SYNPO2: variants seen among roughly 807,000 people sequenced by gnomAD.
The protein encoded by SYNPO2 is synaptopodin-2.
In SYNPO2, 56 loss-of-function variants were observed where a neutral mutation model predicts 85.0. The ratio of observed to expected loss-of-function variants is 0.66; its 90% CI spans 0.53 to 0.82. The LOEUF (loss-of-function observed/expected upper bound fraction) is 0.82, where lower values mean the gene tolerates loss of function less well. SYNPO2 is among the 40% of genes least tolerant of loss of function. The pLI is 0.00. For synonymous variants in SYNPO2, 602 were observed against 591.1 expected (o/e 1.02, Z -0.27); for missense variants, 1,575 against 1,534.2 (o/e 1.03, Z -0.44).
intron 1 of SYNPO2, among the ~76,000 whole-genome samples, chr4:118,895,039 T>A (rs1187317850): frequency 6.6e-6 from 1 of 152,236 alleles, no homozygotes; most frequent in Non-Finnish European, 1.5e-5. Flanking sequence ...AAATGATTTT[T>A]TTTAAGGAGT....
Position 119,026,786 on chromosome 4 carries a change from A to G in SYNPO2, c.417A>G (p.Glu139=), listed in dbSNP as rs1352095595. 1.2e-6 allele frequency: 2 copies of G among 1,609,472 alleles called. No homozygotes were observed. Among genetic ancestry groups the G allele is most frequent in the Admixed American group, 1.7e-5 (1 of 59,050 alleles). ...TCTTCCTCGCCCCTGTCAAGACTGA[A>G]GTTCCCCTAGCTGAGAACCAAAGAA... The part of the protein sequence containing the change: ...TEFFLAPVKT[E]VPLAENQRSG... The change falls in exon 3 of 5, where the codon GAA becomes GAG. Residue 139 remains glutamate, a synonymous_variant. Transcript: ENST00000307142.
chr4:119,037,059 CTGTT>C, intron 4 of SYNPO2: 2 of 1,497,662 alleles, frequency 1.3e-6, no homozygotes, highest in Non-Finnish European at 1.8e-6. Flanking sequence ...GTGTTTACCT[CTGTT>C]TATGTCATTC....
chr4:118,902,353 A>C (rs1732787196), intron 1 of SYNPO2, among the ~76,000 whole-genome samples: 1 of 152,226 alleles, frequency 6.6e-6, no homozygotes, highest in African/African-American at 2.4e-5. Context: ...AAAGAAAAAG[A>C]GGTTTAATGA....
rs182771192 is a variant in SYNPO2 at position 118,919,238 on chromosome 4, A to G, written c.105+30097A>G. ...GAAGCGCTAGTCGATCATTGCACTC[A>G]TTCTTCTGAGCCTGGATTGAGCCTC... On this transcript the variant is annotated intron_variant, in intron 1 of 4. Coordinates refer to ENST00000307142, the MANE Select transcript of SYNPO2 (RefSeq NM_133477.3). 5.1e-3 allele frequency among the ~76,000 whole-genome samples: 656 copies of G among 127,468 alleles called. 4 individuals carry two copies. The highest frequency in any genetic ancestry group is 0.018 in the African/African-American group (620 of 35,386). 83.6% of individuals were successfully genotyped at this position (127,468 alleles called of 152,430 possible). A position where few individuals can be genotyped will look rare whatever the true frequency, so the allele number is the denominator to read the frequency against.
At chr4:119,006,689 G>C (rs1010229388) in intron 1 of SYNPO2, among the ~76,000 whole-genome samples, 1 of 152,118 alleles carries the variant, frequency 6.6e-6, no homozygotes, top group African/African-American at 2.4e-5. Context: ...GAAGCAGGCA[G>C]GTTGTTTATT....
At chr4:118,888,069 A>C (rs528135860), upstream of SYNPO2, among the ~76,000 whole-genome samples, 1 of 152,316 alleles carries the variant, frequency 6.6e-6, no homozygotes. Context: ...ATGACATGGG[A>C]TGACAAACTA....
intron 1 of SYNPO2, among the ~76,000 whole-genome samples, chr4:118,852,252 C>T (rs115472708): frequency 0.041 from 6,275 of 152,190 alleles, 200 homozygotes; most frequent in Non-Finnish European, 0.064. Context: ...GAAAAAGGAA[C>T]GTTTATACAT....
chr4:118,938,914 A>G (rs1444051892), intron 1 of SYNPO2, among the ~76,000 whole-genome samples: 2 of 152,200 alleles, frequency 1.3e-5, no homozygotes, highest in African/African-American at 2.4e-5. Flanking sequence ...GGAGATAATG[A>G]TAACCTTTCC....
At chr4:118,976,296 C>T (rs1459500219) in intron 1 of SYNPO2, among the ~76,000 whole-genome samples, 2 of 151,980 alleles carry the variant, frequency 1.3e-5, no homozygotes, top group Non-Finnish European at 2.9e-5. Flanking sequence ...TAAGGCAGCG[C>T]GTCTGGAGTT....
intron 1 of SYNPO2, among the ~76,000 whole-genome samples, chr4:118,928,916 A>T (rs1733826458): frequency 6.6e-6 from 1 of 152,202 alleles, no homozygotes; most frequent in African/African-American, 2.4e-5. Context: ...TTTGTCCCAT[A>T]CTTGCTTGAT....
chr4:118,990,670 G>A (rs552454548), intron 1 of SYNPO2, among the ~76,000 whole-genome samples: 13 of 152,264 alleles, frequency 8.5e-5, no homozygotes, highest in African/African-American at 2.4e-4. Context: ...GTGCAGTGGC[G>A]CAATCTCAGC....
upstream of SYNPO2, among the ~76,000 whole-genome samples, chr4:118,884,107 T>A (rs1318630731): frequency 2.0e-5 from 3 of 152,212 alleles, no homozygotes; most frequent in African/African-American, 4.8e-5. Flanking sequence ...ATTCATTGCT[T>A]TTATAATAAT....
intron 1 of SYNPO2, among the ~76,000 whole-genome samples, chr4:118,924,185 C>A (rs1170487199): frequency 5.3e-5 from 8 of 152,140 alleles, no homozygotes; most frequent in African/African-American, 1.9e-4. Context: ...AAGTTACAGA[C>A]ATATCAAAAA....
At chr4:118,886,191 G>A (rs150341714), upstream of SYNPO2, among the ~76,000 whole-genome samples, 59 of 152,204 alleles carry the variant, frequency 3.9e-4, 1 homozygote, top group East Asian at 6.9e-3. Context: ...ACATGAAAAA[G>A]TAAAAAGAAC....
intron 1 of SYNPO2, among the ~76,000 whole-genome samples, chr4:118,926,889 T>C (rs1352237358): frequency 6.6e-6 from 1 of 152,126 alleles, no homozygotes; most frequent in East Asian, 1.9e-4. Context: ...TTCCAGACCT[T>C]TCATCCACAG....
chr4:119,023,853 C>T (rs866269549), intron 2 of SYNPO2, among the ~76,000 whole-genome samples: 1 of 152,106 alleles, frequency 6.6e-6, no homozygotes, highest in Non-Finnish European at 1.5e-5. Context: ...TTAGAAAGCT[C>T]AGTATATTGA....
intron 1 of SYNPO2, among the ~76,000 whole-genome samples, chr4:118,872,244 T>C (rs556815931): frequency 6.6e-6 from 1 of 152,210 alleles, no homozygotes; most frequent in East Asian, 1.9e-4. Flanking sequence ...GTACCTGTTA[T>C]AGAAACGGGA....
chr4:118,932,682 A>G (rs1733971717), intron 1 of SYNPO2, among the ~76,000 whole-genome samples: 1 of 152,232 alleles, frequency 6.6e-6, no homozygotes, highest in African/African-American at 2.4e-5. Flanking sequence ...GAAACATAAG[A>G]ACACCTGTGT....
chr4:118,893,840 TAA>T lies in SYNPO2; in HGVS notation c.105+4708_105+4709del, dbSNP rs34724275. Reference sequence around the variant, plus strand: ...AACGTATTGTATATTTCAAAATAGCTAAAAAAAAAAGGAGTTTAAATGTTCTC... The same window carrying T: ...AACGTATTGTATATTTCAAAATAGCTAAAAAAAAGGAGTTTAAATGTTCTC... On this transcript the variant is annotated intron_variant, in intron 1 of 4. Transcript: ENST00000307142. Among the ~76,000 whole-genome samples the T allele has an allele frequency of 7.5e-3, 1,105 of 146,696 alleles. 15 individuals are homozygous for T. Among genetic ancestry groups the T allele is most frequent in the African/African-American group, 0.026 (1,055 of 40,278 alleles).
Sources: gnomAD v4.1 joint callset for allele counts (sites outside exome capture counted in the v4.1 genomes callset) on GRCh38, gnomAD v4.1.1 for gene constraint, MANE v1.5 for transcripts, NCBI Gene and HGNC (gene_info 2026-07-23, HGNC 2026-07-21) for gene names.